ZMAT4: variants seen among roughly 807,000 people sequenced by gnomAD.
ZMAT4 encodes zinc finger matrin-type 4, also known as zinc finger matrin-type protein 4.
In ZMAT4, 17 loss-of-function variants were observed where a neutral mutation model predicts 28.7. That is an observed-to-expected ratio of 0.59 (90% confidence interval 0.41 to 0.89). The LOEUF (loss-of-function observed/expected upper bound fraction) is 0.89, where lower values mean the gene tolerates loss of function less well. ZMAT4 is among the 40% of genes least tolerant of loss of function. ZMAT4 has a pLI of 0.00. For synonymous variants in ZMAT4, 117 were observed against 109.2 expected, an observed-to-expected ratio of 1.07 and a Z score of -0.44; for missense variants, 240 against 283.8, an observed-to-expected ratio of 0.85 and a Z score of 1.11.
At chr8:40,846,149 CCTT>C (rs1221003194) in intron 1 of ZMAT4, among the ~76,000 whole-genome samples, 1 of 152,182 alleles carries the variant, frequency 6.6e-6, no homozygotes, top group African/African-American at 2.4e-5. Context: ...TATTTGTACA[CCTT>C]CTTCCAAACG....
intron 1 of ZMAT4, among the ~76,000 whole-genome samples, chr8:40,853,389 A>G (rs1173032318): frequency 1.3e-5 from 2 of 152,070 alleles, no homozygotes; most frequent in Middle Eastern, 3.2e-3. Flanking sequence ...CCCCATCTCT[A>G]CTAAAAATAC....
At position 40,633,453 on chromosome 8, in the gene ZMAT4, G is replaced by T. The variant is rs116403887; in HGVS notation, c.577+41251C>A. 2.4e-3 allele frequency among the ~76,000 whole-genome samples: 363 copies of T among 152,286 alleles called. 3 individuals are homozygous for T. The highest frequency in any genetic ancestry group is 8.2e-3 in the African/African-American group (342 of 41,572). On this transcript the variant is annotated intron_variant, in intron 5 of 6. Coordinates refer to ENST00000297737, the MANE Select transcript of ZMAT4 (RefSeq NM_024645.3). ...CAGGTATTTAACCACTGGGACCCTCGGCAGTGTGAAGTATTGAGGGACAAG... is the reference window on the plus strand; with the variant it reads ...CAGGTATTTAACCACTGGGACCCTCTGCAGTGTGAAGTATTGAGGGACAAG...
intron 3 of ZMAT4, among the ~76,000 whole-genome samples, chr8:40,745,789 G>A (rs923756516): frequency 1.3e-5 from 2 of 152,106 alleles, no homozygotes; most frequent in African/African-American, 4.8e-5. Flanking sequence ...AGAAAATAGG[G>A]ACATTTGGTG....
intron 2 of ZMAT4, among the ~76,000 whole-genome samples, chr8:40,782,071 A>G (rs914282218): frequency 5.9e-5 from 9 of 152,144 alleles, no homozygotes; most frequent in African/African-American, 2.2e-4. Context: ...AAATAAATAA[A>G]TTGGATGTCA....
In ZMAT4 at chr8:40,746,425, G is replaced by A. The variant is rs190039607; in HGVS notation, c.192+21216C>T. Among the ~76,000 whole-genome samples the A allele has an allele frequency of 1.0e-4, 15 of 145,982 alleles. 1 individual carries two copies. The highest frequency in any genetic ancestry group is 8.8e-4 in the South Asian group (4 of 4,550). ...CTTGCCGAGGCTGGAGTGCAATGGC[G>A]CAATCTCAACTCACTGCAACCTCTG... On this transcript the variant is annotated intron_variant, in intron 3 of 6. Transcript: ENST00000297737.
chr8:40,547,134 C>G (rs1349116774), intron 6 of ZMAT4, among the ~76,000 whole-genome samples: 1 of 152,212 alleles, frequency 6.6e-6, no homozygotes, highest in Non-Finnish European at 1.5e-5. Context: ...TGCATGCAAT[C>G]TAAATGGAAC....
At chr8:40,618,138 G>T (rs900085927) in intron 5 of ZMAT4, among the ~76,000 whole-genome samples, 4 of 152,152 alleles carry the variant, frequency 2.6e-5, no homozygotes, top group African/African-American at 9.7e-5. Context: ...GTTTTAACAA[G>T]GTAACCAACC....
At chr8:40,556,167 T>C (rs945722934) in intron 6 of ZMAT4, among the ~76,000 whole-genome samples, 4 of 152,154 alleles carry the variant, frequency 2.6e-5, no homozygotes, top group Admixed American at 2.6e-4. Flanking sequence ...TATATCCTTT[T>C]TTCTACCTAG....
intron 1 of ZMAT4, among the ~76,000 whole-genome samples, chr8:40,891,217 G>A (rs1366346273): frequency 2.4e-5 from 1 of 41,734 alleles, no homozygotes; most frequent in Non-Finnish European, 4.7e-5. Flanking sequence ...GGAGAGGAGA[G>A]GAGAGGAGAA....
At chr8:40,841,953 G>A (rs1197867757) in intron 1 of ZMAT4, among the ~76,000 whole-genome samples, 2 of 152,166 alleles carry the variant, frequency 1.3e-5, no homozygotes, top group African/African-American at 2.4e-5. Context: ...CTGGCAGCAC[G>A]TGCCCACAGG....
rs866928017 is a variant in ZMAT4, at chr8:40,601,645, A to G, written c.578-20384T>C. Among the ~76,000 whole-genome samples, 2 of 31,374 alleles carry G rather than the reference A, an allele frequency of 6.4e-5. 1 individual carries two copies. The highest frequency in any genetic ancestry group is 1.4e-4 in the Non-Finnish European group (2 of 13,850). 20.6% of individuals were successfully genotyped at this position (31,374 alleles called of 152,430 possible). A position where few individuals can be genotyped will look rare whatever the true frequency, so the allele number is the denominator to read the frequency against. ...AAGAAAGAAAGAAAGAGAAAGAAAGAAAGAAAGAAAGAAAGAAAGAAAGAA... is the reference window on the plus strand; with the variant it reads ...AAGAAAGAAAGAAAGAGAAAGAAAGGAAGAAAGAAAGAAAGAAAGAAAGAA... On this transcript the variant is annotated intron_variant, in intron 5 of 6. Transcript: ENST00000297737.
At chr8:40,639,277 G>A (rs995171073) in intron 5 of ZMAT4, among the ~76,000 whole-genome samples, 24 of 152,140 alleles carry the variant, frequency 1.6e-4, no homozygotes, top group Non-Finnish European at 2.4e-4. Context: ...GGGATATAAA[G>A]ACTGTGCTCC....
intron 4 of ZMAT4, among the ~76,000 whole-genome samples, chr8:40,680,739 T>TTC (rs1207605058): frequency 6.7e-6 from 1 of 148,988 alleles, no homozygotes; most frequent in African/African-American, 2.5e-5. Flanking sequence ...CACATATACT[T>TTC]TCTCTCTCTC....
intron 2 of ZMAT4, among the ~76,000 whole-genome samples, chr8:40,824,437 C>A (rs962653227): frequency 1.8e-4 from 27 of 151,054 alleles, no homozygotes; most frequent in African/African-American, 6.1e-4. Flanking sequence ...TGAGTGAGAC[C>A]CTGTCTCAAA....
At chr8:40,649,204 G>A (rs1313341323) in intron 5 of ZMAT4, among the ~76,000 whole-genome samples, 1 of 152,098 alleles carries the variant, frequency 6.6e-6, no homozygotes, top group Non-Finnish European at 1.5e-5. Context: ...GACACACATA[G>A]ACTCAAAATA....
At chr8:40,832,291 C>T (rs1431602477) in intron 1 of ZMAT4, among the ~76,000 whole-genome samples, 4 of 152,214 alleles carry the variant, frequency 2.6e-5, no homozygotes, top group African/African-American at 9.6e-5. Flanking sequence ...AGTGCTCAGA[C>T]TCTCTTTTCT....
intron 3 of ZMAT4, among the ~76,000 whole-genome samples, chr8:40,752,578 C>T (rs1329659410): frequency 6.6e-6 from 1 of 152,184 alleles, no homozygotes; most frequent in Non-Finnish European, 1.5e-5. Flanking sequence ...AGATCAGCAT[C>T]CCTGTGACCG....
At chr8:40,812,352 C>A (rs1172168890) in intron 2 of ZMAT4, among the ~76,000 whole-genome samples, 1 of 152,152 alleles carries the variant, frequency 6.6e-6, no homozygotes, top group Non-Finnish European at 1.5e-5. Context: ...ACTTTAACCT[C>A]TGTGGTCTTA....
chr8:40,712,241 G>T (rs1456110943), intron 3 of ZMAT4, among the ~76,000 whole-genome samples: 1 of 152,156 alleles, frequency 6.6e-6, no homozygotes, highest in Non-Finnish European at 1.5e-5. Context: ...GTTTGTATGT[G>T]GAAAGTACTT....
Sources: allele counts gnomAD v4.1 joint callset (sites outside exome capture counted in the v4.1 genomes callset), GRCh38; gene constraint gnomAD v4.1.1; transcripts MANE v1.5; gene names NCBI Gene and HGNC (gene_info 2026-07-23, HGNC 2026-07-21).